Variants in CMTM7 observed in about 807,000 individuals in gnomAD.
CMTM7 encodes CKLF-like MARVEL transmembrane domain-containing protein 7.
Under a neutral mutation model 19.3 loss-of-function variants are expected in CMTM7, and 7 were observed. The observed-to-expected ratio is 0.36, with a 90% CI of 0.21 to 0.68. The LOEUF is 0.68. CMTM7 is among the 30% of genes least tolerant of loss of function. CMTM7 has a pLI of 0.60. For missense variants in CMTM7, 193 were observed against 232.6 expected (o/e 0.83, Z 1.11); for synonymous variants, 87 against 99.3 (o/e 0.88, Z 0.74).
chr3:32,447,630 A>G (rs1241765599), intron 2 of CMTM7, among the ~76,000 whole-genome samples: 1 of 152,084 alleles, frequency 6.6e-6, no homozygotes, highest in African/African-American at 2.4e-5. Context: ...ATATACGTTT[A>G]TAATTGTTAT....
At chr3:32,415,016 G>T (rs545707955) in intron 1 of CMTM7, among the ~76,000 whole-genome samples, 1 of 152,174 alleles carries the variant, frequency 6.6e-6, no homozygotes, top group East Asian at 1.9e-4. Context: ...TAGAGGCCAA[G>T]GTTGTCCACA....
Position 32,392,039 on chromosome 3 carries a change from G to A in CMTM7, c.133G>A (p.Ala45Thr). Reference protein sequence around the residue: ...LLDLSYPRTHAALLKVAQMVT... With the variant: ...LLDLSYPRTHTALLKVAQMVT... ...GGACCTCAGCTACCCCCGCACCCAC[G>A]CGGCCCTGCTGAAAGTGGCGCAAAT... is the stretch of plus-strand genomic sequence containing the variant. Residue 45 changes from alanine (A) to threonine (T), a missense_variant, in exon 1 of 5, where the codon GCG (alanine) becomes ACG (threonine). Physicochemically the swap from Ala to Thr is moderately conservative, Grantham distance 58. Transcript: ENST00000334983. 1 of 1,235,224 alleles carries A rather than the reference G, an allele frequency of 8.1e-7. No homozygotes were observed. Among genetic ancestry groups the A allele is most frequent in the Non-Finnish European group, 1.0e-6 (1 of 987,004 alleles). 76.5% of individuals were successfully genotyped at this position (1,235,224 alleles called of 1,614,324 possible).
intron 1 of CMTM7, among the ~76,000 whole-genome samples, chr3:32,412,031 T>C (rs993551800): frequency 5.3e-5 from 8 of 152,326 alleles, no homozygotes; most frequent in South Asian, 2.1e-4. Flanking sequence ...GTTCATAAAG[T>C]AGGCTTTTTG....
At position 32,430,714 on chromosome 3, in the gene CMTM7, T is replaced by TGTGA. The variant is rs10634592; in HGVS notation, c.160-11125_160-11124insTGAG. On this transcript the variant is annotated intron_variant, in intron 1 of 4. Coordinates refer to ENST00000334983, the MANE Select transcript of CMTM7 (RefSeq NM_138410.4). ...GTGTGTGTGTGTGTGTGTGTGTGTG[T>TGTGA]GACACAGCTCTCCTGATGACCCTTT... 6.3e-3 allele frequency among the ~76,000 whole-genome samples: 944 copies of TGTGA among 149,704 alleles called. 15 individuals carry two copies. Among genetic ancestry groups the TGTGA allele is most frequent in the African/African-American group, 0.022 (895 of 40,476 alleles).
rs552602262 is a variant in CMTM7 at position 32,412,478 on chromosome 3, C to T, written c.159+20413C>T. Among the ~76,000 whole-genome samples, 74 of 125,432 alleles carry T rather than the reference C, an allele frequency of 5.9e-4. No homozygotes were observed. The South Asian group carries it at 0.019, about 33-fold the overall frequency. The allele number at this position is 125,432 out of a possible 152,430, so 82.3% of individuals were successfully genotyped here. On this transcript the variant is annotated intron_variant, in intron 1 of 4. Coordinates refer to ENST00000334983, the MANE Select transcript of CMTM7 (RefSeq NM_138410.4). Reference sequence around the variant, plus strand: ...CTCCAGCCTGGGCAACAGATTGAGACTGACACACACACACACACACACACA... The same window carrying T: ...CTCCAGCCTGGGCAACAGATTGAGATTGACACACACACACACACACACACA...
chr3:32,424,615 A>G (rs9811451), intron 1 of CMTM7, among the ~76,000 whole-genome samples: 11,322 of 149,378 alleles, frequency 0.076, 527 homozygotes, highest in East Asian at 0.22. Flanking sequence ...CCTCTCCCAG[A>G]CCACTGAGCC....
At chr3:32,431,119 A>G (rs865774245) in intron 1 of CMTM7, among the ~76,000 whole-genome samples, 21 of 152,344 alleles carry the variant, frequency 1.4e-4, no homozygotes, top group African/African-American at 4.6e-4. Flanking sequence ...GGCAGTGATA[A>G]GGGCTTTGAA....
At chr3:32,452,585 G>A (rs1016624446) in intron 4 of CMTM7, 112 bp downstream of exon 4, 2 of 1,115,304 alleles carry the variant, frequency 1.8e-6, no homozygotes, top group Admixed American at 1.8e-5. Flanking sequence ...TGTTCCAAGG[G>A]GACTTTAGAA....
chr3:32,402,683 C>T (rs1696028503), intron 1 of CMTM7, among the ~76,000 whole-genome samples: 1 of 152,162 alleles, frequency 6.6e-6, no homozygotes, highest in African/African-American at 2.4e-5. Context: ...TATCCTGCCT[C>T]AGCCTCCCAA....
intron 4 of CMTM7, 85 bp from the exon 5 acceptor site, chr3:32,454,156 G>A (rs1006227293): frequency 2.6e-5 from 37 of 1,444,098 alleles, no homozygotes; most frequent in Non-Finnish European, 3.5e-5. Flanking sequence ...CCCCTGAGCA[G>A]AACTTGGAGT....
chr3:32,442,090 T>C, intron 2 of CMTM7, 77 bp downstream of exon 2: 1 of 1,357,226 alleles, frequency 7.4e-7, no homozygotes, highest in Non-Finnish European at 1.0e-6. Context: ...CTGACAGAGT[T>C]TTTCCCGTCT....
chr3:32,445,891 T>A (rs1419690970), intron 2 of CMTM7, among the ~76,000 whole-genome samples: 1 of 152,214 alleles, frequency 6.6e-6, no homozygotes, highest in East Asian at 1.9e-4. Context: ...ATAACCCATT[T>A]TATATGCTGG....
At chr3:32,398,977 C>T (rs971975663) in intron 1 of CMTM7, among the ~76,000 whole-genome samples, 2 of 152,028 alleles carry the variant, frequency 1.3e-5, no homozygotes, top group Non-Finnish European at 1.5e-5. Context: ...AAGACCCTGT[C>T]CTCCCATCCC....
At chr3:32,418,111 C>T (rs1037847217) in intron 1 of CMTM7, among the ~76,000 whole-genome samples, 8 of 152,254 alleles carry the variant, frequency 5.3e-5, no homozygotes, top group African/African-American at 9.6e-5. Context: ...TGCGAGCCAC[C>T]GCGCCTGTCC....
chr3:32,454,146 C>T, intron 4 of CMTM7, 95 bp from the exon 5 acceptor site: 1 of 1,322,916 alleles, frequency 7.6e-7, no homozygotes, highest in South Asian at 1.4e-5. Context: ...CACAGGTGCC[C>T]CCCTGAGCAG....
chr3:32,421,274 C>T (rs539344092), intron 1 of CMTM7, among the ~76,000 whole-genome samples: 4 of 152,270 alleles, frequency 2.6e-5, no homozygotes, highest in South Asian at 4.1e-4. Flanking sequence ...GGCTCCCCAT[C>T]GCCCACCTAG....
intron 2 of CMTM7, among the ~76,000 whole-genome samples, chr3:32,448,849 A>G (rs1465998806): frequency 6.6e-6 from 1 of 151,442 alleles, no homozygotes; most frequent in Non-Finnish European, 1.5e-5. Context: ...ATCCACAGGC[A>G]CTTCACAGAA....
At chr3:32,401,667 G>C (rs3913495) in intron 1 of CMTM7, among the ~76,000 whole-genome samples, 63,753 of 152,242 alleles carry the variant, frequency 0.42, 13,866 homozygotes, top group African/African-American at 0.54. Flanking sequence ...GCCTCGCGCC[G>C]GGCCCAGCGT....
At chr3:32,424,198 G>A (rs1696389952) in intron 1 of CMTM7, among the ~76,000 whole-genome samples, 1 of 152,146 alleles carries the variant, frequency 6.6e-6, no homozygotes, top group Non-Finnish European at 1.5e-5. Flanking sequence ...GCTGGCTGGC[G>A]GCCTTATGGG....
Sources: gnomAD v4.1 joint callset for allele counts (sites outside exome capture counted in the v4.1 genomes callset) on GRCh38, gnomAD v4.1.1 for gene constraint, MANE v1.5 for transcripts, NCBI Gene and HGNC (gene_info 2026-07-23, HGNC 2026-07-21) for gene names.